Variants in FHOD3 observed in about 807,000 individuals in gnomAD.
FHOD3 encodes the protein FH1/FH2 domain-containing protein 3.
Under a neutral mutation model 173.0 loss-of-function variants are expected in FHOD3, and 90 were observed. That is an observed-to-expected ratio of 0.52 (90% CI 0.44 to 0.62). The LOEUF (loss-of-function observed/expected upper bound fraction) is 0.62, where lower values mean the gene tolerates loss of function less well. FHOD3 is among the 20% of genes least tolerant of loss of function. The pLI is 0.00. For missense variants in FHOD3, 1,945 were observed against 2,034.7 expected (o/e 0.96, Z 0.85); for synonymous variants, 828 against 823.0 (o/e 1.01, Z -0.10).
chr18:36,524,395 A>G (rs553369941), intron 5 of FHOD3, among the ~76,000 whole-genome samples: 6 of 152,176 alleles, frequency 3.9e-5, no homozygotes, highest in African/African-American at 1.4e-4. Flanking sequence ...AGGAATTCAT[A>G]TGTACATGGT....
At chr18:36,557,103 C>G (rs55659839) in intron 5 of FHOD3, among the ~76,000 whole-genome samples, 18,524 of 152,074 alleles carry the variant, frequency 0.12, 1,611 homozygotes, top group African/African-American at 0.23. Context: ...CAATGGTTTT[C>G]ATCAATTTGA....
At chr18:36,661,513 A>AG (rs994966646) in intron 14 of FHOD3, among the ~76,000 whole-genome samples, 46 of 152,162 alleles carry the variant, frequency 3.0e-4, no homozygotes, top group African/African-American at 1.1e-3. Context: ...ATTGTGCCTG[A>AG]GCCCTGTACA....
chr18:36,402,506 TACACACACACAC>T (rs146120105), intron 3 of FHOD3, among the ~76,000 whole-genome samples: 24 of 143,992 alleles, frequency 1.7e-4, no homozygotes, highest in East Asian at 4.1e-4. Context: ...GATGCAATTA[TACACACACACAC>T]ACACACACAC....
At chr18:36,752,039 C>G (rs1486321393) in intron 24 of FHOD3, among the ~76,000 whole-genome samples, 1 of 152,152 alleles carries the variant, frequency 6.6e-6, no homozygotes, top group African/African-American at 2.4e-5. Flanking sequence ...GGAAGGGGAA[C>G]CAAACACGTC....
At chr18:36,496,897 A>C (rs1270429882) in intron 3 of FHOD3, among the ~76,000 whole-genome samples, 2 of 152,204 alleles carry the variant, frequency 1.3e-5, no homozygotes, top group Non-Finnish European at 2.9e-5. Context: ...ATTTCTGATC[A>C]AGACCTTGTC....
chr18:36,571,764 T>C (rs1443670845), intron 5 of FHOD3, among the ~76,000 whole-genome samples: 1 of 152,218 alleles, frequency 6.6e-6, no homozygotes, highest in East Asian at 1.9e-4. Context: ...GGACAGTCTC[T>C]TTAACAAATG....
intron 1 of FHOD3, among the ~76,000 whole-genome samples, chr18:36,340,073 A>G (rs2045534691): frequency 6.6e-6 from 1 of 152,182 alleles, no homozygotes; most frequent in African/African-American, 2.4e-5. Flanking sequence ...TCATATGTTT[A>G]GTTTCTTTAT....
At chr18:36,749,260 G>A (rs1313408954) in intron 24 of FHOD3, among the ~76,000 whole-genome samples, 1 of 152,102 alleles carries the variant, frequency 6.6e-6, no homozygotes, top group Non-Finnish European at 1.5e-5. Context: ...GGGGTTTGTT[G>A]TACAGATTAT....
At chr18:36,371,989 C>T (rs1309332243) in intron 2 of FHOD3, among the ~76,000 whole-genome samples, 2 of 152,144 alleles carry the variant, frequency 1.3e-5, no homozygotes, top group Non-Finnish European at 2.9e-5. Flanking sequence ...CTCCTTCTAC[C>T]AACTGCTCCG....
At chr18:36,493,764 T>A (rs1279018405) in intron 3 of FHOD3, among the ~76,000 whole-genome samples, 1 of 152,168 alleles carries the variant, frequency 6.6e-6, no homozygotes, top group Non-Finnish European at 1.5e-5. Context: ...ACCTGGACAT[T>A]GCGCCTGTGA....
intron 3 of FHOD3, among the ~76,000 whole-genome samples, chr18:36,468,030 T>G (rs776093421): frequency 9.9e-5 from 15 of 152,196 alleles, no homozygotes; most frequent in Non-Finnish European, 1.9e-4. Flanking sequence ...GGGTGGCCCC[T>G]GGGGTTCCCA....
intron 25 of FHOD3, among the ~76,000 whole-genome samples, chr18:36,758,325 G>A (rs1416544647): frequency 2.0e-5 from 3 of 152,160 alleles, no homozygotes; most frequent in Non-Finnish European, 2.9e-5. Flanking sequence ...AATTGAAAGT[G>A]TGTTTAATTT....
rs112457025 is a variant in FHOD3, at chr18:36,629,670, A to G, written c.1196+3921A>G. 9.0e-4 allele frequency among the ~76,000 whole-genome samples: 137 copies of G among 152,122 alleles called. 1 individual carries two copies. Among genetic ancestry groups the G allele is most frequent in the Middle Eastern group, 3.4e-3 (1 of 294 alleles). On this transcript the variant is annotated intron_variant, in intron 10 of 28. Transcript: ENST00000590592. ...CATGAAGAGATAGAGACTATAGGGG[A>G]CTTTGCTGATGGCTGATCATGAGTT...
At position 36,763,121 on chromosome 18, in the gene FHOD3, GTGTATTATA is replaced by G. The variant is rs1246149092; in HGVS notation, c.4624+2340_4624+2348del. Among the ~76,000 whole-genome samples, 6 of 144,936 alleles carry G rather than the reference GTGTATTATA, an allele frequency of 4.1e-5. No individual in the cohort carries two copies. In the South Asian group the frequency reaches 1.3e-3, roughly 32 times the overall value. ...GTATTATACACGTTATATATAATAT[GTGTATTATA>G]CACGTTATATATGTGTATTATACAC... On this transcript the variant is annotated intron_variant, in intron 27 of 28. Coordinates refer to ENST00000590592, the MANE Select transcript of FHOD3 (RefSeq NM_001281740.3).
chr18:36,545,638 A>AT (rs2057382724), intron 5 of FHOD3, among the ~76,000 whole-genome samples: 1 of 152,160 alleles, frequency 6.6e-6, no homozygotes, highest in Admixed American at 6.5e-5. Context: ...GGGAAAGTGC[A>AT]TTTTCCTCAG....
intron 4 of FHOD3, 33 bp from the exon 5 acceptor site, chr18:36,512,405 T>C (rs763887972): frequency 1.3e-6 from 2 of 1,486,228 alleles, no homozygotes; most frequent in Non-Finnish European, 1.9e-6. Context: ...ACAGGGACAG[T>C]ATTTGAAGTA....
intron 14 of FHOD3, among the ~76,000 whole-genome samples, chr18:36,672,592 C>G (rs2037602965): frequency 2.0e-5 from 3 of 152,190 alleles, no homozygotes; most frequent in African/African-American, 4.8e-5. Flanking sequence ...ACTTTTCAAG[C>G]CTCTGCTTGA....
rs62082315 is a variant in FHOD3 at position 36,486,121 on chromosome 18, G to A, written c.338-15811G>A. Among the ~76,000 whole-genome samples, 203 of 152,262 alleles carry A rather than the reference G, an allele frequency of 1.3e-3. 1 individual carries two copies. The highest frequency in any genetic ancestry group is 3.1e-3 in the South Asian group (15 of 4,812). On this transcript the variant is annotated intron_variant, in intron 3 of 28. Coordinates refer to ENST00000590592, the MANE Select transcript of FHOD3 (RefSeq NM_001281740.3). Reference sequence around the variant, plus strand: ...TTAGCAGCTGGTAGTGAACACAACAGAACTTCCTCCATTTTCCCATTGGCC... The same window carrying A: ...TTAGCAGCTGGTAGTGAACACAACAAAACTTCCTCCATTTTCCCATTGGCC...
intron 3 of FHOD3, among the ~76,000 whole-genome samples, chr18:36,442,065 A>G (rs2051184880): frequency 6.6e-6 from 1 of 152,228 alleles, no homozygotes; most frequent in South Asian, 2.1e-4. Context: ...TTCACAATTT[A>G]GAAGTGTCAT....
Sources: gnomAD v4.1 joint callset for allele counts (sites outside exome capture counted in the v4.1 genomes callset) on GRCh38, gnomAD v4.1.1 for gene constraint, MANE v1.5 for transcripts, NCBI Gene and HGNC (gene_info 2026-07-23, HGNC 2026-07-21) for gene names.